Variants in C14orf132 observed in about 807,000 individuals in gnomAD.
The protein encoded by C14orf132 is uncharacterized protein C14orf132.
In C14orf132, 6 loss-of-function variants were observed where a neutral mutation model predicts 5.8. The ratio of observed to expected loss-of-function variants is 1.03; its 90% CI spans 0.57 to 2.04. The LOEUF (loss-of-function observed/expected upper bound fraction) is 2.04, where lower values mean the gene tolerates loss of function less well. Among genes scored for constraint, C14orf132 ranks in the 30% most tolerant of loss-of-function variants. The pLI is 0.00. For missense variants in C14orf132, 125 were observed against 115.8 expected, an observed-to-expected ratio of 1.08 and a Z score of -0.37; for synonymous variants, 51 against 49.8, an observed-to-expected ratio of 1.02 and a Z score of -0.10.
intron 1 of C14orf132, among the ~76,000 whole-genome samples, chr14:96,073,151 T>G (rs925068488): frequency 1.3e-4 from 9 of 67,318 alleles, no homozygotes; most frequent in African/African-American, 1.7e-4. Context: ...GAACATCAGG[T>G]TTTTTTTTTA....
In C14orf132 at chr14:96,086,415, C is replaced by G. The variant is rs1888186101; in HGVS notation, c.28-96C>G. 5 of 1,075,392 alleles carry G rather than the reference C, an allele frequency of 4.6e-6. 1 individual carries two copies. Among genetic ancestry groups the G allele is most frequent in the Middle Eastern group, 2.1e-4 (1 of 4,712 alleles). The allele number at this position is 1,075,392 out of a possible 1,614,324, so 66.6% of individuals were successfully genotyped here. A position where few individuals can be genotyped will look rare whatever the true frequency, so the allele number is the denominator to read the frequency against. ...GCAGGTGCAGTAGAGATCGTAGCTT[C>G]ATGTGGGGTTGTTTGACCAGACCAC... On this transcript the variant is annotated intron_variant, in intron 1 of 1. Coordinates refer to ENST00000555004, the MANE Select transcript of C14orf132 (RefSeq NM_001252507.3).
intron 1 of C14orf132, among the ~76,000 whole-genome samples, chr14:96,065,470 G>A (rs1254174539): frequency 1.3e-5 from 2 of 152,080 alleles, no homozygotes; most frequent in African/African-American, 2.4e-5. Flanking sequence ...TGCCCCGGCC[G>A]CCGCTTCACT....
At chr14:96,075,574 G>A (rs1026563026) in intron 1 of C14orf132, among the ~76,000 whole-genome samples, 4 of 152,084 alleles carry the variant, frequency 2.6e-5, no homozygotes, top group African/African-American at 9.7e-5. Context: ...TTTTCTAGAT[G>A]TTCTTTATCA....
intron 1 of C14orf132, among the ~76,000 whole-genome samples, chr14:96,045,247 C>T (rs1884460599): frequency 6.6e-6 from 1 of 152,186 alleles, no homozygotes; most frequent in South Asian, 2.1e-4. Context: ...ACAGGGGCTC[C>T]AGGAGCCCAG....
intron 1 of C14orf132, among the ~76,000 whole-genome samples, chr14:96,041,083 T>G (rs1297194280): frequency 1.3e-5 from 2 of 152,216 alleles, no homozygotes; most frequent in Non-Finnish European, 1.5e-5. Flanking sequence ...TTCCTATTTT[T>G]CCTTTTTTGT....
intron 1 of C14orf132, among the ~76,000 whole-genome samples, chr14:96,084,654 C>T (rs1888124482): frequency 6.6e-6 from 1 of 152,100 alleles, no homozygotes; most frequent in Non-Finnish European, 1.5e-5. Flanking sequence ...ATAAGAAGTA[C>T]TCATATAAAA....
At chr14:96,082,528 A>G (rs1458236066) in intron 1 of C14orf132, among the ~76,000 whole-genome samples, 1 of 152,222 alleles carries the variant, frequency 6.6e-6, no homozygotes, top group Non-Finnish European at 1.5e-5. Context: ...AAAACAAAAT[A>G]AAACCAACAA....
At chr14:96,049,380 G>A (rs528049159) in intron 1 of C14orf132, among the ~76,000 whole-genome samples, 7 of 148,114 alleles carry the variant, frequency 4.7e-5, no homozygotes, top group South Asian at 2.2e-4. Flanking sequence ...TCGCTCTGTC[G>A]CCCAGGCTGG....
intron 1 of C14orf132, among the ~76,000 whole-genome samples, chr14:96,064,187 C>A (rs908794110): frequency 2.6e-5 from 4 of 151,954 alleles, no homozygotes; most frequent in Non-Finnish European, 5.9e-5. Flanking sequence ...AGTAGAACTA[C>A]CATTTGATCC....
At chr14:96,084,904 T>A (rs1403838860) in intron 1 of C14orf132, among the ~76,000 whole-genome samples, 5 of 152,172 alleles carry the variant, frequency 3.3e-5, no homozygotes, top group Admixed American at 1.3e-4. Flanking sequence ...CTGGTAATGG[T>A]CATCCTTTAA....
At chr14:96,082,247 G>A (rs1403569620) in intron 1 of C14orf132, among the ~76,000 whole-genome samples, 2 of 152,144 alleles carry the variant, frequency 1.3e-5, no homozygotes, top group Non-Finnish European at 2.9e-5. Context: ...CACCAGAAGG[G>A]CATCTTTAAA....
intron 1 of C14orf132, among the ~76,000 whole-genome samples, chr14:96,080,960 A>G (rs1182876573): frequency 6.6e-6 from 1 of 152,214 alleles, no homozygotes; most frequent in African/African-American, 2.4e-5. Context: ...GAAGTTCAAA[A>G]ATACCAAAAA....
chr14:96,065,057 C>T (rs117462230), intron 1 of C14orf132, among the ~76,000 whole-genome samples: 2,640 of 152,196 alleles, frequency 0.017, 40 homozygotes, highest in Non-Finnish European at 0.027. Context: ...GGGGTTTTGA[C>T]GTGACTTCCT....
At position 96,047,925 on chromosome 14, in the gene C14orf132, T is replaced by C. The variant is rs148302586; in HGVS notation, c.27+8398T>C. Among the ~76,000 whole-genome samples, 1,075 of 152,250 alleles carry C rather than the reference T, an allele frequency of 7.1e-3. 19 individuals are homozygous for C. The highest frequency in any genetic ancestry group is 0.024 in the African/African-American group (1,016 of 41,552). On this transcript the variant is annotated intron_variant, in intron 1 of 1. Coordinates refer to ENST00000555004, the MANE Select transcript of C14orf132 (RefSeq NM_001252507.3). ...CAAAGTCGCTGAGCCCGGTGGCTCA[T>C]GCCTGTAATCCCAGAACTTTGGGAG...
Position 96,039,447 on chromosome 14 carries a change from A to G in C14orf132, c.-54A>G, listed in dbSNP as rs1886621473. The G allele has an allele frequency of 6.8e-7, 1 of 1,470,574 alleles. No individual in the cohort carries two copies. Among genetic ancestry groups the G allele is most frequent in the Admixed American group, 2.2e-5 (1 of 45,978 alleles). 91.1% of individuals were successfully genotyped at this position (1,470,574 alleles called of 1,614,324 possible). A position where few individuals can be genotyped will look rare whatever the true frequency, so the allele number is the denominator to read the frequency against. On this transcript the variant is annotated 5_prime_UTR_variant, in exon 1 of 2. Transcript: ENST00000555004. The surrounding 1 kb of genome is among the most constrained non-coding windows in gnomAD (Gnocchi z 5.3). The stretch of plus-strand genomic sequence containing the variant: ...TCCCCGCCAACTGTGCAGGCGGCTG[A>G]CCCGCAGCGGCAGCGGCAGCAGCGA...
rs1887276959 is a variant in C14orf132, at chr14:96,059,350, T to C, written c.27+19823T>C. ...TTTGAACACTGGATGTGGTAATTTGTGCAAACAGCTTTGCAAATATAACAG... is the reference window on the plus strand; with the variant it reads ...TTTGAACACTGGATGTGGTAATTTGCGCAAACAGCTTTGCAAATATAACAG... On this transcript the variant is annotated intron_variant, in intron 1 of 1. Coordinates refer to ENST00000555004, the MANE Select transcript of C14orf132 (RefSeq NM_001252507.3). Among the ~76,000 whole-genome samples, 8 of 152,344 alleles carry C rather than the reference T, an allele frequency of 5.3e-5. No homozygotes were observed. The South Asian group carries it at 1.7e-3, about 32-fold the overall frequency.
At chr14:96,074,550 T>G (rs1197165231) in intron 1 of C14orf132, among the ~76,000 whole-genome samples, 2 of 36,186 alleles carry the variant, frequency 5.5e-5, no homozygotes, top group East Asian at 0.02. Context: ...AGGCATGAGT[T>G]TTTTTTTTTT....
intron 1 of C14orf132, among the ~76,000 whole-genome samples, chr14:96,052,906 C>T (rs1012723496): frequency 6.6e-6 from 1 of 152,196 alleles, no homozygotes. Context: ...GACGCCGGCT[C>T]AAGGTCTTTC....
At chr14:96,040,687 G>A (rs971845742) in intron 1 of C14orf132, among the ~76,000 whole-genome samples, 1 of 152,066 alleles carries the variant, frequency 6.6e-6, no homozygotes, top group East Asian at 1.9e-4. Flanking sequence ...CTAGATCCTG[G>A]CTCTCCGGCA....
Sources: allele counts gnomAD v4.1 joint callset (sites outside exome capture counted in the v4.1 genomes callset), GRCh38; gene constraint gnomAD v4.1.1; non-coding constraint Gnocchi (gnomAD v3.1); transcripts MANE v1.5; gene names NCBI Gene and HGNC (gene_info 2026-07-23, HGNC 2026-07-21).